UNC5D: variants seen among roughly 807,000 people sequenced by gnomAD.
UNC5D encodes unc-5 netrin receptor D.
Under a neutral mutation model 105.4 loss-of-function variants are expected in UNC5D, and 39 were observed. The ratio of observed to expected loss-of-function variants is 0.37; its 90% confidence interval spans 0.29 to 0.48. UNC5D has a LOEUF of 0.48. UNC5D is among the 20% of genes least tolerant of loss of function. The pLI is 0.98. For synonymous variants in UNC5D, 452 were observed against 450.4 expected, an observed-to-expected ratio of 1.00 and a Z score of -0.04; for missense variants, 991 against 1,202.4, an observed-to-expected ratio of 0.82 and a Z score of 2.60.
chr8:35,312,484 G>A lies in UNC5D; in HGVS notation c.103+76597G>A, dbSNP rs142994209. Among the ~76,000 whole-genome samples the A allele has an allele frequency of 3.9e-3, 589 of 152,286 alleles. 5 individuals are homozygous for A. Among genetic ancestry groups the A allele is most frequent in the African/African-American group, 0.013 (555 of 41,570 alleles). On this transcript the variant is annotated intron_variant, in intron 1 of 16. Coordinates refer to ENST00000404895, the MANE Select transcript of UNC5D (RefSeq NM_080872.4). ...CTTGTATGTTCATACCACATTTCAA[G>A]TTGGAGAAGAATGCAAGGTAGTTTA...
At chr8:35,739,408 C>T (rs1247159868) in intron 11 of UNC5D, among the ~76,000 whole-genome samples, 1 of 152,154 alleles carries the variant, frequency 6.6e-6, no homozygotes, top group Non-Finnish European at 1.5e-5. Context: ...AGAAGCATTT[C>T]TCCTTGCTGT....
intron 3 of UNC5D, among the ~76,000 whole-genome samples, chr8:35,579,408 TAAG>T (rs1818325431): frequency 6.6e-6 from 1 of 152,226 alleles, no homozygotes; most frequent in South Asian, 2.1e-4. Flanking sequence ...GAGTTTATAA[TAAG>T]GGAAATACAA....
At chr8:35,615,035 G>C (rs1460625011) in intron 4 of UNC5D, among the ~76,000 whole-genome samples, 8,146 of 51,940 alleles carry the variant, frequency 0.16, 991 homozygotes, top group African/African-American at 0.2. Context: ...CATAGTGAGG[G>C]GCCCCCCCCC....
intron 1 of UNC5D, among the ~76,000 whole-genome samples, chr8:35,476,090 G>A (rs1810075612): frequency 6.6e-6 from 1 of 152,196 alleles, no homozygotes. Flanking sequence ...TGGATTTAAG[G>A]CAGTTGTGCT....
At chr8:35,385,343 C>A (rs1252056109) in intron 1 of UNC5D, among the ~76,000 whole-genome samples, 1 of 152,064 alleles carries the variant, frequency 6.6e-6, no homozygotes, top group Non-Finnish European at 1.5e-5. Flanking sequence ...TCTGGTAGCA[C>A]CTAGTTAAGA....
chr8:35,358,734 T>C (rs1279318559), intron 1 of UNC5D, among the ~76,000 whole-genome samples: 4 of 152,216 alleles, frequency 2.6e-5, no homozygotes, highest in Non-Finnish European at 5.9e-5. Flanking sequence ...GTTCCAGTCA[T>C]TCTATTCCAA....
intron 1 of UNC5D, among the ~76,000 whole-genome samples, chr8:35,545,914 G>A (rs1234780457): frequency 2.0e-5 from 3 of 151,678 alleles, no homozygotes; most frequent in Non-Finnish European, 4.4e-5. Context: ...TTTTGAAATA[G>A]GGTCTGTCTC....
At position 35,794,093 on chromosome 8, in the gene UNC5D, T is replaced by TA; in HGVS notation, c.*3531dup. On this transcript the variant is annotated 3_prime_UTR_variant, in exon 17 of 17. Coordinates refer to ENST00000404895, the MANE Select transcript of UNC5D (RefSeq NM_080872.4). ...AAATAGGATAATTGGTTTTAGATAATATCTTCTACTGCCAAACTTCTGGCA... is the reference window on the plus strand; with the variant it reads ...AAATAGGATAATTGGTTTTAGATAATAATCTTCTACTGCCAAACTTCTGGCA... 6.6e-6 allele frequency: 1 copy of TA among 152,210 alleles called. No individual in the cohort carries two copies. The highest frequency in any genetic ancestry group is 1.5e-5 in the Non-Finnish European group (1 of 68,038). The allele number at this position is 152,210 out of a possible 1,614,324, so 9.4% of individuals were successfully genotyped here.
At chr8:35,338,614 A>G (rs10089135) in intron 1 of UNC5D, among the ~76,000 whole-genome samples, 146,939 of 152,156 alleles carry the variant, frequency 0.97, 71,194 homozygotes, top group East Asian at 1. Flanking sequence ...TCTGGCCAGT[A>G]GCACAGAGGA....
chr8:35,564,020 T>C (rs760073607), intron 2 of UNC5D, among the ~76,000 whole-genome samples: 16 of 152,316 alleles, frequency 1.1e-4, no homozygotes, highest in Non-Finnish European at 2.2e-4. Flanking sequence ...TGCTAGTATT[T>C]CATTGAGGAT....
intron 1 of UNC5D, among the ~76,000 whole-genome samples, chr8:35,510,662 C>T (rs1336573876): frequency 1.3e-5 from 2 of 152,170 alleles, no homozygotes; most frequent in African/African-American, 4.8e-5. Flanking sequence ...CAGCCTTATT[C>T]AACATCTCAG....
rs1809873152 is a variant in UNC5D, at chr8:35,473,396, G to A, written c.104-75896G>A. Among the ~76,000 whole-genome samples the A allele has an allele frequency of 2.0e-5, 3 of 152,324 alleles. No homozygotes were observed. In the South Asian group the frequency reaches 6.2e-4, roughly 32 times the overall value. ...CATATCCACAGCTTTAAGAATAGTG[G>A]CTGGCACGTGGTATGCATCCAATAA... On this transcript the variant is annotated intron_variant, in intron 1 of 16. Transcript: ENST00000404895.
At chr8:35,554,573 C>A (rs533881243) in intron 2 of UNC5D, among the ~76,000 whole-genome samples, 12 of 152,318 alleles carry the variant, frequency 7.9e-5, no homozygotes, top group African/African-American at 2.9e-4. Flanking sequence ...GAGCTTTACT[C>A]TAACAGGCAG....
chr8:35,560,232 G>A (rs1468792910), intron 2 of UNC5D, among the ~76,000 whole-genome samples: 1 of 152,080 alleles, frequency 6.6e-6, no homozygotes, highest in Admixed American at 6.6e-5. Context: ...TATTTGCCTG[G>A]AACTTCTGCT....
intron 1 of UNC5D, among the ~76,000 whole-genome samples, chr8:35,516,045 T>C (rs181394815): frequency 6.6e-6 from 1 of 152,246 alleles, no homozygotes; most frequent in East Asian, 1.9e-4. Flanking sequence ...ATTACCTAAT[T>C]CCTATGCTTT....
chr8:35,790,526 A>G lies in UNC5D; in HGVS notation c.2825A>G (p.Glu942Gly). The G allele has an allele frequency of 6.2e-7, 1 of 1,613,842 alleles. No individual in the cohort carries two copies. The highest frequency in any genetic ancestry group is 1.3e-5 in the African/African-American group (1 of 75,038). Residue 942 changes from glutamate (E) to glycine (G), a missense_variant, in exon 17 of 17, where the codon GAA (glutamate) becomes GGA (glycine). Physicochemically the swap from Glu to Gly is moderately conservative, Grantham distance 98. This residue lies in a region of UNC5D where 45 missense variants were observed against 54.5 expected (regional missense o/e 0.83). Coordinates refer to ENST00000404895, the MANE Select transcript of UNC5D (RefSeq NM_080872.4). Reference protein sequence around the residue: ...LSNISESQLDEADFNYSRQNG... With the variant: ...LSNISESQLDGADFNYSRQNG... ...AACATTTCAGAATCCCAGCTTGATG[A>G]AGCCGACTTCAACTACAGCAGGCAA...
chr8:35,290,486 G>T (rs1425760205), intron 1 of UNC5D, among the ~76,000 whole-genome samples: 2 of 150,212 alleles, frequency 1.3e-5, no homozygotes, highest in African/African-American at 4.9e-5. Context: ...AGGGTAGGGG[G>T]TTGGGGAGGG....
At chr8:35,456,468 G>C (rs1413116558) in intron 1 of UNC5D, among the ~76,000 whole-genome samples, 2 of 152,168 alleles carry the variant, frequency 1.3e-5, no homozygotes, top group African/African-American at 2.4e-5. Context: ...GATACAATTA[G>C]CTCCTTTTTG....
chr8:35,599,641 A>G (rs1819716538), intron 4 of UNC5D, among the ~76,000 whole-genome samples: 2 of 152,312 alleles, frequency 1.3e-5, no homozygotes, highest in South Asian at 4.1e-4. Flanking sequence ...TGTAAAATGC[A>G]TTAGACAACA....
Sources: gnomAD v4.1 joint callset for allele counts (sites outside exome capture counted in the v4.1 genomes callset) on GRCh38, gnomAD v4.1.1 for gene constraint, gnomAD v4.1.1 regional missense constraint, MANE v1.5 for transcripts, NCBI Gene and HGNC (gene_info 2026-07-23, HGNC 2026-07-21) for gene names.